Variants in MYCBP2 observed in about 807,000 individuals in gnomAD.
MYCBP2 encodes E3 ubiquitin-protein ligase MYCBP2.
Under a neutral mutation model 525.3 loss-of-function variants are expected in MYCBP2, and 120 were observed. That is an observed-to-expected ratio of 0.23 (90% CI 0.20 to 0.27). MYCBP2 has a LOEUF of 0.27. Ranked by LOEUF, MYCBP2 falls within the 10% of genes least tolerant of loss-of-function variation. The probability of loss-of-function intolerance (pLI) is 1.00; values close to 1 mark genes in which losing one functional copy is unlikely to be tolerated. For synonymous variants in MYCBP2, 1,894 were observed against 1,955.8 expected (o/e 0.97, Z 0.83); for missense variants, 4,149 against 5,657.1 (o/e 0.73, Z 8.55).
chr13:77,276,899 T>G (rs985660013), intron 4 of MYCBP2, among the ~76,000 whole-genome samples: 1 of 136,826 alleles, frequency 7.3e-6, no homozygotes, highest in South Asian at 2.5e-4. Flanking sequence ...TAAGCTATCC[T>G]CCTGCCTCAG....
chr13:77,064,474 A>G, intron 73 of MYCBP2, 141 bp downstream of exon 73: 2 of 943,050 alleles, frequency 2.1e-6, no homozygotes, highest in East Asian at 2.7e-5. Context: ...AGCCCTTTAT[A>G]CTTTTTCAAT....
intron 47 of MYCBP2, among the ~76,000 whole-genome samples, chr13:77,150,096 C>T (rs2154192857): frequency 1.3e-5 from 2 of 152,266 alleles, no homozygotes; most frequent in Admixed American, 1.3e-4. Flanking sequence ...TTAACATTGC[C>T]TCTGAAGATA....
chr13:77,223,137 A>G (rs888992616), intron 20 of MYCBP2, among the ~76,000 whole-genome samples: 2 of 152,316 alleles, frequency 1.3e-5, no homozygotes, highest in African/African-American at 4.8e-5. Context: ...GAGCAGAGTT[A>G]ACTATTATAA....
Position 77,205,571 on chromosome 13 carries a change from T to A in MYCBP2, c.3617A>T (p.Gln1206Leu). The A allele has an allele frequency of 6.2e-7, 1 of 1,612,784 alleles. No individual in the cohort carries two copies. The highest frequency in any genetic ancestry group is 8.5e-7 in the Non-Finnish European group (1 of 1,179,608). The change falls in exon 25 of 83, where the codon CAG becomes CTG. Residue 1206 changes from glutamine (Q) to leucine (L), a missense_variant. Coordinates refer to ENST00000544440, the MANE Select transcript of MYCBP2 (RefSeq NM_015057.5). The part of the protein sequence containing the change: ...LGCLDTLAAM[Q>L]DLKMGVASTE... ...ACTTGCAACACCCATTTTTAAGTCC[T>A]GCATAGCTGCCAAGGTATCAAGACA... is the stretch of plus-strand genomic sequence containing the variant.
At chr13:77,164,363 T>C (rs2058296113) in intron 43 of MYCBP2, 91 bp downstream of exon 43, 2 of 779,808 alleles carry the variant, frequency 2.6e-6, no homozygotes, top group Non-Finnish European at 4.3e-6. Context: ...ATTACAAAAT[T>C]CATTTTGCAA....
chr13:77,078,733 T>C, intron 66 of MYCBP2, 91 bp downstream of exon 66: 2 of 993,116 alleles, frequency 2.0e-6, no homozygotes. Context: ...ATACTTTGGT[T>C]GTGTGCCAAG....
At chr13:77,258,879 A>G (rs937551003) in intron 13 of MYCBP2, among the ~76,000 whole-genome samples, 12 of 152,194 alleles carry the variant, frequency 7.9e-5, no homozygotes, top group Non-Finnish European at 1.8e-4. Context: ...TGCAGGTAGA[A>G]AAAAACAAAA....
chr13:77,191,358 T>C (rs1263204885), intron 28 of MYCBP2, among the ~76,000 whole-genome samples: 1 of 152,230 alleles, frequency 6.6e-6, no homozygotes, highest in Non-Finnish European at 1.5e-5. Context: ...ACTTCTTTTT[T>C]ATGGTTCCAA....
intron 48 of MYCBP2, 48 bp downstream of exon 48, chr13:77,146,114 C>T: frequency 2.4e-6 from 3 of 1,228,468 alleles, no homozygotes; most frequent in South Asian, 3.1e-5. Context: ...TAGTTGCAAG[C>T]AGCTGACAAC....
At chr13:77,082,993 TTG>T (rs1180475389) in intron 63 of MYCBP2, 37 bp downstream of exon 63, 1 of 1,566,708 alleles carries the variant, frequency 6.4e-7, no homozygotes, top group East Asian at 2.3e-5. Flanking sequence ...ATAAACTCTC[TTG>T]TCCAATGTAC....
intron 70 of MYCBP2, among the ~76,000 whole-genome samples, 182 bp from the exon 71 acceptor site, chr13:77,068,046 G>A (rs2040488185): frequency 1.3e-5 from 2 of 152,006 alleles, no homozygotes; most frequent in East Asian, 3.9e-4. Flanking sequence ...TCCCAGCTTT[G>A]CCTCCCAAAG....
In MYCBP2 at chr13:77,181,871, C is replaced by G. The variant is rs755591809; in HGVS notation, c.4771G>C (p.Val1591Leu). 6.2e-7 allele frequency: 1 copy of G among 1,614,038 alleles called. No homozygotes were observed. The highest frequency in any genetic ancestry group is 2.2e-5 in the East Asian group (1 of 44,880). Residue 1591 changes from valine to leucine, a missense_variant, in exon 33 of 83, where the codon GTT becomes CTT. Val to Leu is a conservative substitution (Grantham distance 32, BLOSUM62 1). This residue lies in a region of MYCBP2 where 292 missense variants were observed against 330.5 expected (regional missense o/e 0.88). Coordinates refer to ENST00000544440, the MANE Select transcript of MYCBP2 (RefSeq NM_015057.5). ...KTSSSRLLAAVMSALCHTSVK... is the reference protein window; with the variant it reads ...KTSSSRLLAALMSALCHTSVK... ...GACGTGTGACACAGAGCTGACATAA[C>G]AGCTGCAAGGAGTCGGCTACTTGAT... is the stretch of plus-strand genomic sequence containing the variant.
chr13:77,144,224 G>C (rs941071825), intron 49 of MYCBP2: 12 of 510,818 alleles, frequency 2.3e-5, no homozygotes, highest in African/African-American at 2.1e-4. Flanking sequence ...TGGAGGGAGA[G>C]AGTCATGAGG....
In MYCBP2 at chr13:77,181,694, G is replaced by C. The variant is rs773650775; in HGVS notation, c.4941+7C>G. 6.2e-7 allele frequency: 1 copy of C among 1,612,048 alleles called. No individual in the cohort carries two copies. The highest frequency in any genetic ancestry group is 1.1e-5 in the South Asian group (1 of 90,970). ...CTCTGTATAAAAGATTTCAGAGACA[G>C]ACCTACCTGGCTGAGTTTTTCCATA... On this transcript the variant is annotated splice_region_variant and intron_variant, in intron 33 of 82. Coordinates refer to ENST00000544440, the MANE Select transcript of MYCBP2 (RefSeq NM_015057.5).
chr13:77,229,202 G>A (rs2066778315), intron 18 of MYCBP2, among the ~76,000 whole-genome samples: 1 of 152,158 alleles, frequency 6.6e-6, no homozygotes, highest in Non-Finnish European at 1.5e-5. Flanking sequence ...CTATAATATA[G>A]CAACAATGAT....
At chr13:77,082,130 G>A in intron 63 of MYCBP2, 137 bp from the exon 64 acceptor site, 1 of 727,322 alleles carries the variant, frequency 1.4e-6, no homozygotes, top group Non-Finnish European at 2.1e-6. Context: ...AAAATTCAGG[G>A]AAGAAAATCA....
rs772346909 is a variant in MYCBP2 at position 77,185,383 on chromosome 13, A to AG, written c.4445-7dup. On this transcript the variant is annotated splice_polypyrimidine_tract_variant and splice_region_variant and intron_variant, in intron 31 of 82. Transcript: ENST00000544440. The stretch of plus-strand genomic sequence containing the variant: ...TACAACTGCTTTTCCTGTAGCTTTG[A>AG]GGGGGAAAAAGCAGATTGGTAATTA... The AG allele has an allele frequency of 4.4e-6, 7 of 1,606,016 alleles. No homozygotes were observed. The highest frequency in any genetic ancestry group is 6.0e-6 in the Non-Finnish European group (7 of 1,175,250).
At chr13:77,063,179 C>A (rs2039606751) in intron 73 of MYCBP2, among the ~76,000 whole-genome samples, 1 of 152,112 alleles carries the variant, frequency 6.6e-6, no homozygotes, top group East Asian at 1.9e-4. Context: ...GTCTTTGTTG[C>A]CCCTTGTTGC....
Position 77,212,124 on chromosome 13 carries a change from A to T in MYCBP2, c.3094T>A (p.Tyr1032Asn). The part of the protein sequence containing the change: ...QLGRPILDVP[Y>N]WNAKPAPMPN... ...ATGGGAGCTGGCTTTGCATTCCAAT[A>T]TGGCACATCCAAAATTGGTCTGCCC... Residue 1032 changes from tyrosine (Y) to asparagine (N), a missense_variant, in exon 22 of 83, where the codon TAT becomes AAT. Transcript: ENST00000544440. 1 of 1,614,156 alleles carries T rather than the reference A, an allele frequency of 6.2e-7. No homozygotes were observed. Among genetic ancestry groups the T allele is most frequent in the South Asian group, 1.1e-5 (1 of 91,084 alleles).
Sources: allele counts gnomAD v4.1 joint callset (sites outside exome capture counted in the v4.1 genomes callset), GRCh38; gene constraint gnomAD v4.1.1; regional missense constraint gnomAD v4.1.1; transcripts MANE v1.5; gene names NCBI Gene and HGNC (gene_info 2026-07-23, HGNC 2026-07-21).